The following TERF2 variants were observed in gnomAD, a reference collection of about 807,000 sequenced individuals.
TERF2 encodes telomeric repeat-binding factor 2.
TERF2 carries 16 observed loss-of-function variants against 56.1 expected under a neutral mutation model. The ratio of observed to expected loss-of-function variants is 0.29; its 90% CI spans 0.19 to 0.43. The LOEUF (loss-of-function observed/expected upper bound fraction) is 0.43. Among genes scored for constraint, TERF2 ranks in the 20% least tolerant of loss-of-function variants. The pLI is 1.00. For missense variants in TERF2, 547 were observed against 712.9 expected, an observed-to-expected ratio of 0.77 and a Z score of 2.65; for synonymous variants, 296 against 282.1, an observed-to-expected ratio of 1.05 and a Z score of -0.50.
At chr16:69,368,828 C>A (rs1433086041) in intron 5 of TERF2, among the ~76,000 whole-genome samples, 2 of 152,108 alleles carry the variant, frequency 1.3e-5, no homozygotes, top group Admixed American at 6.6e-5. Flanking sequence ...AGGCGCCCAC[C>A]ACCATGTCCA....
At chr16:69,377,509 G>A (rs966672275) in intron 3 of TERF2, among the ~76,000 whole-genome samples, 6 of 152,024 alleles carry the variant, frequency 3.9e-5, no homozygotes, top group Admixed American at 3.3e-4. Context: ...TGTATTTTTA[G>A]TAGAGATGGG....
chr16:69,384,729 T>C lies in TERF2; in HGVS notation c.476-19A>G. The C allele has an allele frequency of 6.4e-7, 1 of 1,570,196 alleles. No individual in the cohort carries two copies. Among genetic ancestry groups the C allele is most frequent in the Non-Finnish European group, 8.6e-7 (1 of 1,162,366 alleles). On this transcript the variant is annotated intron_variant, in intron 2 of 9. Coordinates refer to ENST00000254942, the MANE Select transcript of TERF2 (RefSeq NM_005652.5). ...GAACAGTCTAGGACAAAGCACAGTT[T>C]TCATTTTTAAGCTCTTTTCTAAGGG...
Position 69,366,866 on chromosome 16 carries a change from T to G in TERF2, c.1281A>C (p.Ser427=). Reference sequence around the variant, plus strand: ...GAACGGTGGGCTTGGATGGTGGCGCTGAAGCGGCCTCCTGGGAGGAGTTGA... The same window carrying G: ...GAACGGTGGGCTTGGATGGTGGCGCGGAAGCGGCCTCCTGGGAGGAGTTGA... ...AGLNSSQEAA[S]APPSKPTVLN... is the part of the protein sequence containing the mutation. The change falls in exon 7 of 10, where the codon TCA becomes TCC. Residue 427 remains serine (S), a synonymous_variant. Coordinates refer to ENST00000254942, the MANE Select transcript of TERF2 (RefSeq NM_005652.5). The G allele has an allele frequency of 1.2e-6, 2 of 1,614,182 alleles. No homozygotes were observed. The highest frequency in any genetic ancestry group is 1.7e-6 in the Non-Finnish European group (2 of 1,180,034).
intron 1 of TERF2, 45 bp from the exon 2 acceptor site, chr16:69,385,531 TC>T (rs2014163771): frequency 6.2e-7 from 1 of 1,611,322 alleles, no homozygotes; most frequent in Non-Finnish European, 8.5e-7. Flanking sequence ...CAGTCCCGAC[TC>T]CCGGTCCCCC....
chr16:69,385,947 C>A lies in TERF2; in HGVS notation c.25G>T (p.Gly9Cys), dbSNP rs903878683. 3 of 1,364,236 alleles carry A rather than the reference C, an allele frequency of 2.2e-6. No individual in the cohort carries two copies. The highest frequency in any genetic ancestry group is 1.6e-5 in the South Asian group (1 of 61,830). The allele number at this position is 1,364,236 out of a possible 1,614,324, so 84.5% of individuals were successfully genotyped here. A position where few individuals can be genotyped will look rare whatever the true frequency, so the allele number is the denominator to read the frequency against. ...ACGACGCCCGGGCCGGAAGCGGGGC[C>A]CGCCGTCCCGGCTCCCGCGGCCATG... MAAGAGTA[G>C]PASGPGVVRD... The change falls in exon 1 of 10, where the codon GGC becomes TGC. Residue 9 changes from glycine to cysteine, a missense_variant. Gly to Cys is a radical substitution (Grantham distance 159). Transcript: ENST00000254942.
chr16:69,383,085 G>T (rs913709307), intron 3 of TERF2, among the ~76,000 whole-genome samples: 4 of 152,146 alleles, frequency 2.6e-5, no homozygotes, highest in Admixed American at 1.3e-4. Flanking sequence ...ATACGCAGCT[G>T]AAAGATGAAA....
intron 7 of TERF2, 103 bp downstream of exon 7, chr16:69,366,704 G>C: frequency 7.1e-7 from 1 of 1,402,602 alleles, no homozygotes; most frequent in East Asian, 2.4e-5. Flanking sequence ...AAGCCTTGGT[G>C]GTGAGTAACT....
chr16:69,366,479 A>C, intron 7 of TERF2: 1 of 291,776 alleles, frequency 3.4e-6, no homozygotes, highest in Admixed American at 4.6e-5. Flanking sequence ...AATGCAAACA[A>C]ATTTCTTTTA....
chr16:69,357,621 G>A, intron 8 of TERF2, 60 bp from the exon 9 acceptor site: 1 of 1,587,218 alleles, frequency 6.3e-7, no homozygotes. Flanking sequence ...CAAACCACAA[G>A]AAAAAGACAT....
At chr16:69,379,493 C>T (rs1431039323) in intron 3 of TERF2, among the ~76,000 whole-genome samples, 3 of 152,176 alleles carry the variant, frequency 2.0e-5, no homozygotes, top group Non-Finnish European at 4.4e-5. Flanking sequence ...ATCAATCTCT[C>T]CTTTAGTTAT....
chr16:69,374,314 G>T (rs1359450450), intron 3 of TERF2, among the ~76,000 whole-genome samples: 2 of 151,938 alleles, frequency 1.3e-5, no homozygotes, highest in African/African-American at 2.4e-5. Context: ...CCCTGCCTTG[G>T]CTGTCCTGTG....
At chr16:69,366,768 C>G in intron 7 of TERF2, 39 bp downstream of exon 7, 1 of 1,566,742 alleles carries the variant, frequency 6.4e-7, no homozygotes, top group Non-Finnish European at 8.6e-7. Flanking sequence ...CCAGGACCAC[C>G]AACCAGCCCC....
intron 8 of TERF2, among the ~76,000 whole-genome samples, chr16:69,361,057 AC>A (rs1460287201): frequency 2.6e-5 from 4 of 151,684 alleles, no homozygotes; most frequent in African/African-American, 9.7e-5. Flanking sequence ...ACAAAGTGAG[AC>A]CCCATCTCTA....
chr16:69,372,961 A>G (rs2013632459), intron 3 of TERF2, among the ~76,000 whole-genome samples: 1 of 152,116 alleles, frequency 6.6e-6, no homozygotes, highest in Admixed American at 6.5e-5. Flanking sequence ...AATGGACAGG[A>G]GTCATTCTAC....
At chr16:69,370,221 G>C (rs113343992) in intron 5 of TERF2, 1 of 446,108 alleles carries the variant, frequency 2.2e-6, no homozygotes. Context: ...AGTAGAGATG[G>C]GGTTTCACCA....
chr16:69,366,890 G>C lies in TERF2; in HGVS notation c.1257C>G (p.Leu419=), dbSNP rs1472649487. ...CTGAAGCGGCCTCCTGGGAGGAGTT[G>C]AGGCCTGCGCTGGGCTCAGTACTCT... ...DSQSTEPSAG[L]NSSQEAASAP... The change falls in exon 7 of 10, where the codon CTC becomes CTG. Residue 419 remains leucine, a synonymous_variant. Coordinates refer to ENST00000254942, the MANE Select transcript of TERF2 (RefSeq NM_005652.5). 1.2e-6 allele frequency: 2 copies of C among 1,614,228 alleles called. No homozygotes were observed. Among genetic ancestry groups the C allele is most frequent in the Non-Finnish European group, 1.7e-6 (2 of 1,180,040 alleles).
At chr16:69,376,982 C>T (rs1372267740) in intron 3 of TERF2, among the ~76,000 whole-genome samples, 1 of 151,888 alleles carries the variant, frequency 6.6e-6, no homozygotes, top group Admixed American at 6.6e-5. Context: ...AGGCGGATTG[C>T]CTGAGGTTGG....
intron 5 of TERF2, among the ~76,000 whole-genome samples, chr16:69,368,984 T>C (rs1353220210): frequency 6.6e-6 from 1 of 152,114 alleles, no homozygotes; most frequent in African/African-American, 2.4e-5. Context: ...CAATAAATGT[T>C]CATACTAATA....
At position 69,385,864 on chromosome 16, in the gene TERF2, G is replaced by A. The variant is rs2014184998; in HGVS notation, c.108C>T (p.Gly36=). ...CCGCCATCGTGTCCGATCGCCGCGC[G>A]CCCTCCCCGCCCTCCCGGCCGGGCC... ...RKRPGREGGE[G]ARRSDTMAGG... Residue 36 remains glycine (G), a synonymous_variant, in exon 1 of 10, where the codon GGC becomes GGT. Transcript: ENST00000254942. 3 of 1,364,962 alleles carry A rather than the reference G, an allele frequency of 2.2e-6. No homozygotes were observed. Among genetic ancestry groups the A allele is most frequent in the Non-Finnish European group, 2.8e-6 (3 of 1,056,958 alleles). 84.6% of individuals were successfully genotyped at this position (1,364,962 alleles called of 1,614,324 possible).
Sources: allele counts gnomAD v4.1 joint callset (sites outside exome capture counted in the v4.1 genomes callset), GRCh38; gene constraint gnomAD v4.1.1; transcripts MANE v1.5; gene names NCBI Gene and HGNC (gene_info 2026-07-23, HGNC 2026-07-21).